The following PLXNA2 variants were observed in gnomAD, a reference collection of about 807,000 sequenced individuals.
The protein encoded by PLXNA2 is plexin-A2.
In PLXNA2, 91 loss-of-function variants were observed where a neutral mutation model predicts 193.5. That is an observed-to-expected ratio of 0.47 (90% CI 0.40 to 0.56). The LOEUF is 0.56. PLXNA2 is among the 20% of genes least tolerant of loss of function. The pLI is 0.00. For missense variants in PLXNA2, 1,995 were observed against 2,503.2 expected (o/e 0.80, Z 4.33); for synonymous variants, 997 against 1,027.3 (o/e 0.97, Z 0.56).
chr1:208,139,827 C>G (rs1218338740), intron 4 of PLXNA2, among the ~76,000 whole-genome samples: 1 of 152,284 alleles, frequency 6.6e-6, no homozygotes, highest in East Asian at 1.9e-4. Context: ...GACAGATGGG[C>G]CTCCTGAGCT....
rs559813170 is a variant in PLXNA2 at position 208,095,169 on chromosome 1, T to G, written c.1982+860A>C. On this transcript the variant is annotated intron_variant, in intron 8 of 31. Coordinates refer to ENST00000367033, the MANE Select transcript of PLXNA2 (RefSeq NM_025179.4). Reference sequence around the variant, plus strand: ...TTTGGTCCTATGACCCTTATGTGGCTCTATTACAGAGGCCTGTGTTTCCTT... The same window carrying G: ...TTTGGTCCTATGACCCTTATGTGGCGCTATTACAGAGGCCTGTGTTTCCTT... Among the ~76,000 whole-genome samples, 3 of 152,344 alleles carry G rather than the reference T, an allele frequency of 2.0e-5. No individual in the cohort carries two copies. In the South Asian group the frequency reaches 6.2e-4, roughly 32 times the overall value.
At chr1:208,188,999 C>T in intron 3 of PLXNA2, among the ~76,000 whole-genome samples, 1 of 152,300 alleles carries the variant, frequency 6.6e-6, no homozygotes, top group East Asian at 1.9e-4. Context: ...GGACCTGGTG[C>T]ATGGCAGGTT....
chr1:208,028,090 C>T lies in PLXNA2; in HGVS notation c.5508G>A (p.Gln1836=). The change falls in exon 31 of 32, where the codon CAG becomes CAA. Residue 1836 remains glutamine (Q), a synonymous_variant. Transcript: ENST00000367033. This position sits in a 1 kb window ranked among gnomAD's most constrained non-coding sequence, Gnocchi z 4.2. ...DQDMNAYLAE[Q]SRLHAVEFNM... is the part of the protein sequence containing the mutation. ...TGAACTCCACGGCGTGCAGGCGGGA[C>T]TGCTCGGCGAGGTAGGCATTCATGT... 6.2e-7 allele frequency: 1 copy of T among 1,613,618 alleles called. No homozygotes were observed. Among genetic ancestry groups the T allele is most frequent in the Non-Finnish European group, 8.5e-7 (1 of 1,179,800 alleles).
At chr1:208,209,927 AT>A (rs1670871756) in intron 3 of PLXNA2, 2 of 234,604 alleles carry the variant, frequency 8.5e-6, no homozygotes, top group Admixed American at 1.1e-4. Context: ...GATTTTGGAG[AT>A]TTATAATGCA....
At chr1:208,133,533 A>C (rs1668221131) in intron 4 of PLXNA2, among the ~76,000 whole-genome samples, 1 of 152,240 alleles carries the variant, frequency 6.6e-6, no homozygotes. Flanking sequence ...TATGCAAATG[A>C]CTTGTCAGTG....
intron 1 of PLXNA2, among the ~76,000 whole-genome samples, chr1:208,235,572 T>C (rs1002668796): frequency 1.3e-5 from 2 of 152,202 alleles, no homozygotes; most frequent in African/African-American, 2.4e-5. Context: ...ACTAACCTCT[T>C]ATCTCCCTCC....
At chr1:208,199,204 A>G (rs1670458362) in intron 3 of PLXNA2, among the ~76,000 whole-genome samples, 1 of 152,174 alleles carries the variant, frequency 6.6e-6, no homozygotes, top group African/African-American at 2.4e-5. Context: ...TTCTGGTAAG[A>G]TCCCTGAGAT....
At chr1:208,186,713 A>T (rs11805656) in intron 3 of PLXNA2, among the ~76,000 whole-genome samples, 27,553 of 125,206 alleles carry the variant, frequency 0.22, 4,075 homozygotes, top group East Asian at 0.59. Flanking sequence ...ATGTTATTTT[A>T]TTTTTTTTTT....
chr1:208,169,081 C>G (rs1487795134), intron 3 of PLXNA2, among the ~76,000 whole-genome samples: 1 of 152,166 alleles, frequency 6.6e-6, no homozygotes, highest in Admixed American at 6.5e-5. Flanking sequence ...TGTCCTCACT[C>G]TGGCCTGTGG....
chr1:208,162,108 C>T (rs748252245), intron 3 of PLXNA2, among the ~76,000 whole-genome samples: 15 of 152,160 alleles, frequency 9.9e-5, no homozygotes, highest in East Asian at 1.9e-4. Context: ...TTAAAGAACA[C>T]GCAGCACCCT....
chr1:208,054,211 A>G (rs909001492), intron 14 of PLXNA2, among the ~76,000 whole-genome samples: 10 of 152,286 alleles, frequency 6.6e-5, no homozygotes, highest in Admixed American at 2.0e-4. Flanking sequence ...AAGACTCCAC[A>G]GCTTTGTTTA....
intron 1 of PLXNA2, among the ~76,000 whole-genome samples, chr1:208,239,932 G>A (rs1671992359): frequency 1.3e-5 from 2 of 152,150 alleles, no homozygotes; most frequent in Non-Finnish European, 2.9e-5. Context: ...CACAGCAAAT[G>A]TTAAGCTGGG....
At chr1:208,062,241 T>C (rs980416877) in intron 12 of PLXNA2, among the ~76,000 whole-genome samples, 3 of 152,092 alleles carry the variant, frequency 2.0e-5, no homozygotes, top group African/African-American at 7.2e-5. Flanking sequence ...CAGCGTACCC[T>C]CAGGTGGAGA....
intron 4 of PLXNA2, among the ~76,000 whole-genome samples, chr1:208,118,078 A>C (rs1228952712): frequency 2.0e-5 from 3 of 152,240 alleles, no homozygotes; most frequent in African/African-American, 7.2e-5. Flanking sequence ...GGTATCTCCC[A>C]GCACGTGGGT....
chr1:208,152,825 C>CTAGG lies in PLXNA2; in HGVS notation c.1372-10363_1372-10362insCCTA, dbSNP rs1558218328. On this transcript the variant is annotated intron_variant, in intron 3 of 31. Coordinates refer to ENST00000367033, the MANE Select transcript of PLXNA2 (RefSeq NM_025179.4). ...TCTCACCATTTTCCAATTGCATCCCCAGCTTTTTCGTCTTCACGCCTTTGC... is the reference window on the plus strand; with the variant it reads ...TCTCACCATTTTCCAATTGCATCCCCTAGGAGCTTTTTCGTCTTCACGCCTTTGC... 1.3e-3 allele frequency among the ~76,000 whole-genome samples: 175 copies of CTAGG among 138,128 alleles called. 1 individual carries two copies. Among genetic ancestry groups the CTAGG allele is most frequent in the African/African-American group, 4.9e-3 (170 of 34,578 alleles). 90.6% of individuals were successfully genotyped at this position (138,128 alleles called of 152,430 possible).
At chr1:208,180,617 T>C (rs1024256132) in intron 3 of PLXNA2, among the ~76,000 whole-genome samples, 1 of 152,196 alleles carries the variant, frequency 6.6e-6, no homozygotes, top group Non-Finnish European at 1.5e-5. Flanking sequence ...TTGGCATCCA[T>C]CCTAGAAAGG....
intron 3 of PLXNA2, among the ~76,000 whole-genome samples, chr1:208,183,606 G>A (rs1490437048): frequency 4.6e-5 from 5 of 107,622 alleles, no homozygotes; most frequent in Admixed American, 3.8e-4. Context: ...CAGAGAGGGA[G>A]AGGGGGGGGT....
chr1:208,029,233 G>A, intron 29 of PLXNA2, 191 bp from the exon 30 acceptor site: 8 of 1,415,256 alleles, frequency 5.7e-6, no homozygotes, highest in Non-Finnish European at 7.4e-6. Context: ...TGGAAGGAGA[G>A]GCACTTTGTA....
intron 3 of PLXNA2, among the ~76,000 whole-genome samples, chr1:208,171,404 C>T (rs1669490863): frequency 6.6e-6 from 1 of 152,230 alleles, no homozygotes; most frequent in African/African-American, 2.4e-5. Flanking sequence ...TCTCAAAATA[C>T]ATTTAATCCT....
Sources: allele counts gnomAD v4.1 joint callset (sites outside exome capture counted in the v4.1 genomes callset), GRCh38; gene constraint gnomAD v4.1.1; non-coding constraint Gnocchi (gnomAD v3.1); transcripts MANE v1.5; gene names NCBI Gene and HGNC (gene_info 2026-07-23, HGNC 2026-07-21).